The following GALM variants were observed in gnomAD, a reference collection of about 807,000 sequenced individuals.
GALM encodes galactose mutarotase, also known as aldose 1-epimerase.
GALM carries 43 observed loss-of-function variants against 37.4 expected under a neutral mutation model. The observed-to-expected ratio is 1.15, with a 90% CI of 0.90 to 1.48. GALM has a LOEUF of 1.48. Ranked by LOEUF, GALM falls within the 40% of genes most tolerant of loss-of-function variation. GALM has a pLI of 0.00. For synonymous variants in GALM, 199 were observed against 170.6 expected (o/e 1.17, Z -1.30); for missense variants, 456 against 419.1 (o/e 1.09, Z -0.77).
chr2:38,668,900 C>CGT (rs1406849068), intron 1 of GALM: 2 of 152,182 alleles, frequency 1.3e-5, no homozygotes, highest in African/African-American at 4.8e-5. Flanking sequence ...AAGATCTGAG[C>CGT]GTGGATAATT....
intron 1 of GALM, 45 bp downstream of exon 1, chr2:38,666,396 C>A (rs1664936031): frequency 7.2e-7 from 1 of 1,397,686 alleles, no homozygotes; most frequent in Non-Finnish European, 9.8e-7. Context: ...CCCAGGCCCA[C>A]GCTACATACC....
chr2:38,696,433 C>CTTTTTT (rs35556554), intron 4 of GALM, among the ~76,000 whole-genome samples: 2 of 136,514 alleles, frequency 1.5e-5, no homozygotes, highest in African/African-American at 2.7e-5. Context: ...TTTTTCTTTT[C>CTTTTTT]TTTTTTTTTT....
chr2:38,704,100 C>T (rs1665987481), intron 4 of GALM, among the ~76,000 whole-genome samples: 1 of 151,826 alleles, frequency 6.6e-6, no homozygotes, highest in Non-Finnish European at 1.5e-5. Flanking sequence ...GAACTTGCTG[C>T]ATCACCTTGG....
Position 38,680,713 on chromosome 2 carries a change from A to T in GALM, c.346-567A>T, listed in dbSNP as rs575708461. 1.5e-5 allele frequency among the ~76,000 whole-genome samples: 2 copies of T among 129,332 alleles called. 1 individual carries two copies. Among genetic ancestry groups the T allele is most frequent in the East Asian group, 3.9e-4 (2 of 5,064 alleles). 84.8% of individuals were successfully genotyped at this position (129,332 alleles called of 152,430 possible). A position where few individuals can be genotyped will look rare whatever the true frequency, so the allele number is the denominator to read the frequency against. On this transcript the variant is annotated intron_variant, in intron 2 of 6. Coordinates refer to ENST00000272252, the MANE Select transcript of GALM (RefSeq NM_138801.3). ...TTTAGCAGAGTGGGGCTACAAGATT[A>T]AAAAAAAAAATCAAAGAAAAATCAT...
At chr2:38,691,716 T>G (rs1665676586) in intron 4 of GALM, among the ~76,000 whole-genome samples, 1 of 146,644 alleles carries the variant, frequency 6.8e-6, no homozygotes, top group African/African-American at 2.5e-5. Flanking sequence ...ATGTGTTATA[T>G]TTCAGTAGTT....
rs539943229 is a variant in GALM at position 38,706,572 on chromosome 2, C to T, written c.634+16678C>T. Among the ~76,000 whole-genome samples, 7 of 150,228 alleles carry T rather than the reference C, an allele frequency of 4.7e-5. No individual in the cohort carries two copies. The South Asian group carries it at 8.5e-4, about 18-fold the overall frequency. ...GCCCACACCTGTAGTCTCAGCTACT[C>T]GGGAGGCTGAGGCTCAAGGATTCCT... is the stretch of plus-strand genomic sequence containing the variant. On this transcript the variant is annotated intron_variant, in intron 4 of 6. Coordinates refer to ENST00000272252, the MANE Select transcript of GALM (RefSeq NM_138801.3).
intron 6 of GALM, among the ~76,000 whole-genome samples, chr2:38,732,628 C>T (rs752192860): frequency 4.6e-5 from 7 of 152,162 alleles, no homozygotes; most frequent in Admixed American, 3.3e-4. Context: ...CAATAAGAAG[C>T]TTGCACCTTG....
chr2:38,688,325 A>G (rs1665591505), intron 3 of GALM, among the ~76,000 whole-genome samples: 1 of 152,104 alleles, frequency 6.6e-6, no homozygotes, highest in Non-Finnish European at 1.5e-5. Context: ...CAGCCTGACC[A>G]ACATGGAGAA....
chr2:38,675,543 TTGTGTGTGTG>T (rs1160196072), intron 1 of GALM, among the ~76,000 whole-genome samples: 1 of 33,634 alleles, frequency 3.0e-5, no homozygotes, highest in African/African-American at 1.0e-4. Context: ...TTTTTTTTTT[TTGTGTGTGTG>T]TGTGTGTGTG....
chr2:38,734,098 C>CTAATAAAT lies in GALM; in HGVS notation c.*534_*541dup, dbSNP rs2148461977. On this transcript the variant is annotated 3_prime_UTR_variant, in exon 7 of 7. Coordinates refer to ENST00000272252, the MANE Select transcript of GALM (RefSeq NM_138801.3). ...CTTACAGAGGTTGAAGACCAACAAG[C>CTAATAAAT]TAATAAATAAAAAGTTGAGGCCGGG... 6.2e-6 allele frequency: 1 copy of CTAATAAAT among 162,594 alleles called. No homozygotes were observed. The highest frequency in any genetic ancestry group is 1.7e-4 in the East Asian group (1 of 5,762). 10.1% of individuals were successfully genotyped at this position (162,594 alleles called of 1,614,324 possible).
At chr2:38,696,990 A>G (rs757607890) in intron 4 of GALM, among the ~76,000 whole-genome samples, 1 of 151,756 alleles carries the variant, frequency 6.6e-6, no homozygotes, top group Non-Finnish European at 1.5e-5. Flanking sequence ...GGGTTTCACC[A>G]TGTTGGCCAG....
At position 38,676,029 on chromosome 2, in the gene GALM, C is replaced by G. The variant is rs753928648; in HGVS notation, c.308C>G (p.Pro103Arg). Residue 103 changes from proline to arginine, a missense_variant, in exon 2 of 7, where the codon CCC becomes CGC. Coordinates refer to ENST00000272252, the MANE Select transcript of GALM (RefSeq NM_138801.3). ...KEYHLAINKE[P>R]NSLHGGVRGF... Reference sequence around the variant, plus strand: ...TATCACCTGGCCATTAACAAGGAACCCAACAGTCTGCATGGAGGAGTCAGA... The same window carrying G: ...TATCACCTGGCCATTAACAAGGAACGCAACAGTCTGCATGGAGGAGTCAGA... 6.2e-7 allele frequency: 1 copy of G among 1,613,998 alleles called. No individual in the cohort carries two copies. Among genetic ancestry groups the G allele is most frequent in the South Asian group, 1.1e-5 (1 of 91,076 alleles).
chr2:38,667,761 T>A (rs1355335538), intron 1 of GALM, among the ~76,000 whole-genome samples: 1 of 149,260 alleles, frequency 6.7e-6, no homozygotes, highest in South Asian at 2.1e-4. Flanking sequence ...CACTTGAATC[T>A]GGGAGGCGGA....
chr2:38,689,883 T>A lies in GALM; in HGVS notation c.623T>A (p.Leu208Gln), dbSNP rs1185580785. 6.2e-7 allele frequency: 1 copy of A among 1,604,382 alleles called. No homozygotes were observed. Among genetic ancestry groups the A allele is most frequent in the Admixed American group, 1.7e-5 (1 of 59,720 alleles). ...ACTTATTTGCCTGTGGATGAAACCC[T>A]GATTCCTACAGGTTGGTGAATTTAA... ...ADTYLPVDET[L>Q]IPTGEVAPVQ... The change falls in exon 4 of 7, where the codon CTG (leucine) becomes CAG (glutamine). Residue 208 changes from leucine to glutamine, a missense_variant. Transcript: ENST00000272252.
At chr2:38,707,459 T>G (rs1172144083) in intron 4 of GALM, among the ~76,000 whole-genome samples, 2 of 151,666 alleles carry the variant, frequency 1.3e-5, no homozygotes. Context: ...GGAGAAGAGG[T>G]GTCTAGAAGT....
intron 3 of GALM, among the ~76,000 whole-genome samples, chr2:38,683,950 T>G (rs1665464255): frequency 2.0e-5 from 3 of 152,164 alleles, no homozygotes; most frequent in African/African-American, 7.2e-5. Context: ...AACTTCAGGT[T>G]TGAAGGTGGA....
chr2:38,684,080 T>C (rs997952181), intron 3 of GALM, among the ~76,000 whole-genome samples: 15 of 152,168 alleles, frequency 9.9e-5, no homozygotes, highest in African/African-American at 3.6e-4. Context: ...AGCATTATCA[T>C]ATATCTCAAA....
At chr2:38,715,197 T>C (rs1666245013) in intron 4 of GALM, among the ~76,000 whole-genome samples, 1 of 152,238 alleles carries the variant, frequency 6.6e-6, no homozygotes, top group Non-Finnish European at 1.5e-5. Flanking sequence ...TCACTTTTGG[T>C]TTCCATTTCT....
intron 4 of GALM, among the ~76,000 whole-genome samples, chr2:38,728,723 C>T (rs540898208): frequency 1.1e-5 from 1 of 87,042 alleles, no homozygotes; most frequent in South Asian, 4.3e-4. Context: ...AAAACTCAAC[C>T]GTAACATTGT....
Sources: gnomAD v4.1 joint callset for allele counts (sites outside exome capture counted in the v4.1 genomes callset) on GRCh38, gnomAD v4.1.1 for gene constraint, MANE v1.5 for transcripts, NCBI Gene and HGNC (gene_info 2026-07-23, HGNC 2026-07-21) for gene names.